Variants in FRK observed in about 807,000 individuals in gnomAD.
FRK encodes the protein fyn related Src family tyrosine kinase, also known as tyrosine-protein kinase FRK.
Under a neutral mutation model 56.4 loss-of-function variants are expected in FRK, and 51 were observed. That is an observed-to-expected ratio of 0.90 (90% CI 0.72 to 1.14). The LOEUF (loss-of-function observed/expected upper bound fraction) is 1.14, where lower values mean the gene tolerates loss of function less well. FRK is among the 50% of genes most tolerant of loss of function. The pLI, the probability that FRK is intolerant of heterozygous loss-of-function variation, is 0.00. For missense variants in FRK, 570 were observed against 601.4 expected, an observed-to-expected ratio of 0.95 and a Z score of 0.55; for synonymous variants, 245 against 217.9, an observed-to-expected ratio of 1.12 and a Z score of -1.10.
chr6:116,021,421 C>T (rs1775868725), intron 1 of FRK, among the ~76,000 whole-genome samples: 1 of 152,028 alleles, frequency 6.6e-6, no homozygotes, highest in Non-Finnish European at 1.5e-5. Flanking sequence ...CAAAATTTCA[C>T]CTATAATGGT....
At chr6:116,052,910 T>C (rs1582762266) in intron 1 of FRK, among the ~76,000 whole-genome samples, 2 of 152,258 alleles carry the variant, frequency 1.3e-5, no homozygotes, top group East Asian at 3.9e-4. Context: ...AAATGAAACA[T>C]AATATTTATT....
At chr6:116,059,538 T>G (rs1777536678) in intron 1 of FRK, among the ~76,000 whole-genome samples, 1 of 152,208 alleles carries the variant, frequency 6.6e-6, no homozygotes, top group Non-Finnish European at 1.5e-5. Context: ...GTTGATATAT[T>G]ACCCTGGAAT....
chr6:116,039,911 C>A (rs1272565395), intron 1 of FRK, among the ~76,000 whole-genome samples: 4 of 149,620 alleles, frequency 2.7e-5, no homozygotes, highest in Non-Finnish European at 5.9e-5. Flanking sequence ...GTATGTGAAC[C>A]ACCCACGTGT....
chr6:116,000,365 CCCTAGT>C (rs1775017548), intron 2 of FRK, among the ~76,000 whole-genome samples: 1 of 150,780 alleles, frequency 6.6e-6, no homozygotes, highest in Admixed American at 6.6e-5. Flanking sequence ...GCCTCAGCCT[CCCTAGT>C]AGCTGGAATT....
intron 1 of FRK, among the ~76,000 whole-genome samples, chr6:116,029,165 A>T (rs559776795): frequency 2.8e-4 from 43 of 152,180 alleles, no homozygotes; most frequent in South Asian, 1.7e-3. Flanking sequence ...ATCTTCCCTA[A>T]CTATCCCATT....
At chr6:116,078,828 A>T in the FRK span, among the ~76,000 whole-genome samples, 2 of 152,194 alleles carry the variant, frequency 1.3e-5, no homozygotes, top group Admixed American at 1.3e-4. Context: ...TCACAACAGA[A>T]TTAACCATCC....
the FRK span, among the ~76,000 whole-genome samples, chr6:116,094,698 G>A: frequency 6.6e-6 from 1 of 152,206 alleles, no homozygotes; most frequent in East Asian, 1.9e-4. Flanking sequence ...GAGAACAGCA[G>A]CATAAGCATC....
intron 2 of FRK, among the ~76,000 whole-genome samples, chr6:115,998,385 C>T (rs374593809): frequency 1.2e-4 from 18 of 152,152 alleles, no homozygotes; most frequent in South Asian, 6.2e-4. Flanking sequence ...TATACAAGGT[C>T]GTGAATAGTC....
rs2083502 is a variant in FRK at position 115,935,859 on chromosome 6, A to G, written c.*6555T>C. ...AAAGGCAGTCAGGGACTAATAGATA[A>G]AACCCCATCTCCCTGGGACAGAGCA... is the stretch of plus-strand genomic sequence containing the variant. On this transcript the variant is annotated 3_prime_UTR_variant, in exon 8 of 8. Coordinates refer to ENST00000606080, the MANE Select transcript of FRK (RefSeq NM_002031.3). The G allele has an allele frequency of 0.041, 6,190 of 152,332 alleles. 339 individuals carry two copies. Among genetic ancestry groups the G allele is most frequent in the Admixed American group, 0.15 (2,287 of 15,292 alleles). The allele number at this position is 152,332 out of a possible 1,614,324, so 9.4% of individuals were successfully genotyped here.
chr6:115,968,546 T>TA (rs748122952), intron 3 of FRK, 30 bp downstream of exon 3: 83 of 1,586,584 alleles, frequency 5.2e-5, no homozygotes, highest in Non-Finnish European at 6.5e-5. Flanking sequence ...TTAACTTCAA[T>TA]AAAAAAACAC....
chr6:116,093,160 C>G, the FRK span, among the ~76,000 whole-genome samples: 1 of 152,200 alleles, frequency 6.6e-6, no homozygotes, highest in Admixed American at 6.5e-5. Context: ...CCCCCATAGC[C>G]TAGCCTCCCT....
chr6:116,005,352 A>T (rs954949708), intron 1 of FRK, among the ~76,000 whole-genome samples: 1 of 152,182 alleles, frequency 6.6e-6, no homozygotes, highest in African/African-American at 2.4e-5. Flanking sequence ...GCTCGATGTC[A>T]GTCTCACTCA....
At chr6:116,075,269 C>T in the FRK span, among the ~76,000 whole-genome samples, 1 of 152,046 alleles carries the variant, frequency 6.6e-6, no homozygotes, top group African/African-American at 2.4e-5. Context: ...TCTTTTTAAA[C>T]TTCTTATGCC....
intron 6 of FRK, among the ~76,000 whole-genome samples, chr6:115,943,593 T>G (rs1287525885): frequency 6.6e-6 from 1 of 151,660 alleles, no homozygotes; most frequent in African/African-American, 2.4e-5. Flanking sequence ...TTGCTAATAA[T>G]GAAAAGTAGG....
chr6:115,979,155 G>A (rs2114631335), intron 2 of FRK, among the ~76,000 whole-genome samples: 2 of 152,152 alleles, frequency 1.3e-5, no homozygotes, highest in African/African-American at 4.8e-5. Context: ...TTCTTCAGGA[G>A]CATTCCAGAA....
intron 6 of FRK, among the ~76,000 whole-genome samples, chr6:115,943,961 C>T (rs1421970221): frequency 6.6e-6 from 1 of 152,120 alleles, no homozygotes; most frequent in Non-Finnish European, 1.5e-5. Flanking sequence ...TAGAGGCAAA[C>T]AGAGGTGACT....
intron 1 of FRK, among the ~76,000 whole-genome samples, chr6:116,055,126 C>T (rs956121809): frequency 6.6e-6 from 1 of 152,056 alleles, no homozygotes; most frequent in Non-Finnish European, 1.5e-5. Flanking sequence ...AGAATCTTTC[C>T]AAGAATATAC....
At chr6:115,984,565 G>A (rs1056066098) in intron 2 of FRK, among the ~76,000 whole-genome samples, 4 of 151,990 alleles carry the variant, frequency 2.6e-5, no homozygotes, top group Non-Finnish European at 5.9e-5. Flanking sequence ...TGATGGATAT[G>A]TAGATAAACA....
At chr6:116,097,330 G>A in the FRK span, among the ~76,000 whole-genome samples, 2 of 151,970 alleles carry the variant, frequency 1.3e-5, no homozygotes, top group East Asian at 1.9e-4. Context: ...ACCCCTTAAA[G>A]AATTATATGT....
Sources: allele counts gnomAD v4.1 joint callset (sites outside exome capture counted in the v4.1 genomes callset), GRCh38; gene constraint gnomAD v4.1.1; transcripts MANE v1.5; gene names NCBI Gene and HGNC (gene_info 2026-07-23, HGNC 2026-07-21).